Variants in PXYLP1 observed in about 807,000 individuals in gnomAD.
PXYLP1 encodes the protein 2-phosphoxylose phosphatase 1.
A neutral mutation model predicts 37.9 loss-of-function variants in PXYLP1; 17 were observed. The ratio of observed to expected loss-of-function variants is 0.45; its 90% CI spans 0.31 to 0.67. The LOEUF (loss-of-function observed/expected upper bound fraction) is 0.67. Ranked by LOEUF, PXYLP1 falls within the 30% of genes least tolerant of loss-of-function variation. The probability of loss-of-function intolerance (pLI) is 0.07; values close to 1 mark genes in which losing one functional copy is unlikely to be tolerated. For missense variants in PXYLP1, 511 were observed against 612.0 expected, an observed-to-expected ratio of 0.84 and a Z score of 1.74; for synonymous variants, 221 against 232.2, an observed-to-expected ratio of 0.95 and a Z score of 0.44.
At chr3:141,233,042 G>GTGTGAAGCTGGCAGTGCA (rs920584096) in intron 1 of PXYLP1, among the ~76,000 whole-genome samples, 28 of 38,084 alleles carry the variant, frequency 7.4e-4, no homozygotes, top group South Asian at 6.0e-3. Context: ...AGGCCCGTGG[G>GTGTGAAGCTGGCAGTGCA]TGTGAAGCTG....
chr3:141,259,913 A>C (rs1382727339), intron 1 of PXYLP1, among the ~76,000 whole-genome samples: 2 of 152,172 alleles, frequency 1.3e-5, no homozygotes, highest in Non-Finnish European at 2.9e-5. Flanking sequence ...TTTGCTTACT[A>C]ACTTGAAGGG....
chr3:141,243,604 C>G (rs569297236), intron 1 of PXYLP1, among the ~76,000 whole-genome samples: 26 of 152,382 alleles, frequency 1.7e-4, no homozygotes, highest in Non-Finnish European at 2.8e-4. Flanking sequence ...TCACGCAGCC[C>G]TCTCGCTGAT....
chr3:141,234,599 C>T (rs1940615716), intron 1 of PXYLP1, among the ~76,000 whole-genome samples: 1 of 152,136 alleles, frequency 6.6e-6, no homozygotes, highest in South Asian at 2.1e-4. Context: ...GCTTGCAGCT[C>T]TATTGGTGGG....
At chr3:141,234,727 A>G (rs536084315) in intron 1 of PXYLP1, among the ~76,000 whole-genome samples, 5 of 152,354 alleles carry the variant, frequency 3.3e-5, no homozygotes, top group African/African-American at 1.2e-4. Flanking sequence ...CAGGCAGTAC[A>G]GCCAAATGCT....
chr3:141,244,683 C>CT (rs1940894598), intron 1 of PXYLP1, among the ~76,000 whole-genome samples: 3 of 150,846 alleles, frequency 2.0e-5, no homozygotes, highest in African/African-American at 7.3e-5. Flanking sequence ...CCACTTCTTT[C>CT]TTTTTTTAAG....
At chr3:141,263,265 A>G (rs997732261) in intron 2 of PXYLP1, among the ~76,000 whole-genome samples, 5 of 152,242 alleles carry the variant, frequency 3.3e-5, no homozygotes, top group African/African-American at 1.2e-4. Context: ...AAGGAAATAC[A>G]GAAAAGATTA....
In PXYLP1 at chr3:141,292,647, A is replaced by G; in HGVS notation, c.885A>G (p.Ile295Met). The change falls in exon 6 of 6, where the codon ATA (isoleucine) becomes ATG (methionine). Residue 295 changes from isoleucine to methionine, a missense_variant. Transcript: ENST00000286353. This position sits in a 1 kb window ranked among gnomAD's most constrained non-coding sequence, Gnocchi z 4.3. ...PTKQLRAANP[I>M]DSMLCHFCHN... ...AGCAGCTTAGAGCTGCCAACCCCATAGACTCCATGCTCTGCCACTTCTGCC... is the reference window on the plus strand; with the variant it reads ...AGCAGCTTAGAGCTGCCAACCCCATGGACTCCATGCTCTGCCACTTCTGCC... 1 of 1,613,640 alleles carries G rather than the reference A, an allele frequency of 6.2e-7. No homozygotes were observed. Among genetic ancestry groups the G allele is most frequent in the Non-Finnish European group, 8.5e-7 (1 of 1,179,760 alleles).
In PXYLP1 at chr3:141,294,922, CA is replaced by C. The variant is rs1458640182; in HGVS notation, c.*1719del. 1 of 152,110 alleles carries C rather than the reference CA, an allele frequency of 6.6e-6. No individual in the cohort carries two copies. Among genetic ancestry groups the C allele is most frequent in the Middle Eastern group, 3.2e-3 (1 of 316 alleles). The allele number at this position is 152,110 out of a possible 1,614,324, so 9.4% of individuals were successfully genotyped here. A position where few individuals can be genotyped will look rare whatever the true frequency, so the allele number is the denominator to read the frequency against. On this transcript the variant is annotated 3_prime_UTR_variant, in exon 6 of 6. Coordinates refer to ENST00000286353, the MANE Select transcript of PXYLP1 (RefSeq NM_001037172.3). ...TGACTCGGAAGATTTTTTAAAAAAT[CA>C]ATTGATAGTATCTGTTGGTAAAAGT... is the stretch of plus-strand genomic sequence containing the variant.
chr3:141,274,489 A>G, intron 2 of PXYLP1: 1 of 1,521,550 alleles, frequency 6.6e-7, no homozygotes, highest in East Asian at 2.5e-5. Flanking sequence ...AGGCCCAGCT[A>G]GGTGTCTCCT....
intron 1 of PXYLP1, among the ~76,000 whole-genome samples, chr3:141,247,427 C>T (rs1230675269): frequency 6.6e-6 from 1 of 152,230 alleles, no homozygotes; most frequent in Non-Finnish European, 1.5e-5. Flanking sequence ...TAAAACAAGG[C>T]TTTCAGGTAT....
chr3:141,237,258 G>T (rs1385274320), intron 1 of PXYLP1, among the ~76,000 whole-genome samples: 1 of 152,172 alleles, frequency 6.6e-6, no homozygotes, highest in African/African-American at 2.4e-5. Flanking sequence ...AAAACTTTCT[G>T]CAAGTCAAAC....
intron 1 of PXYLP1, among the ~76,000 whole-genome samples, chr3:141,242,361 C>T (rs1251727207): frequency 6.6e-6 from 1 of 152,176 alleles, no homozygotes. Context: ...GTTCATGTCC[C>T]ATATAAGGCA....
chr3:141,232,427 A>G (rs1940542075), intron 1 of PXYLP1: 1 of 152,248 alleles, frequency 6.6e-6, no homozygotes, highest in Admixed American at 6.5e-5. Flanking sequence ...TGAGCCGGCT[A>G]GTCTCCAGGT....
chr3:141,260,268 G>A lies in PXYLP1; in HGVS notation c.79+14G>A, dbSNP rs753309753. The stretch of plus-strand genomic sequence containing the variant: ...GCCTGCAGTTCTGTGAGTAGAGCCG[G>A]GCCCCGCAGGTCGTGGGAGGGTAGG... On this transcript the variant is annotated intron_variant, in intron 2 of 5. Transcript: ENST00000286353. 2 of 1,611,378 alleles carry A rather than the reference G, an allele frequency of 1.2e-6. No homozygotes were observed. Among genetic ancestry groups the A allele is most frequent in the African/African-American group, 1.3e-5 (1 of 74,906 alleles).
intron 1 of PXYLP1, among the ~76,000 whole-genome samples, chr3:141,250,301 G>T (rs1321711261): frequency 6.6e-6 from 1 of 151,944 alleles, no homozygotes; most frequent in Non-Finnish European, 1.5e-5. Flanking sequence ...CTGAAAAGTT[G>T]TGGTACTGTC....
intron 1 of PXYLP1, chr3:141,235,419 C>T (rs1007616180): frequency 6.6e-6 from 1 of 152,098 alleles, no homozygotes; most frequent in East Asian, 1.9e-4. Flanking sequence ...TAGCCCCAGT[C>T]CCCTTTGACA....
Position 141,262,603 on chromosome 3 carries a change from C to T in PXYLP1, c.79+2349C>T, listed in dbSNP as rs1482702647. On this transcript the variant is annotated intron_variant, in intron 2 of 5. Transcript: ENST00000286353. ...TTAGGAAAGCCAATTTTCAGCCATA[C>T]TTTTTTAAGGAAAATTTTGCAGGGT... is the stretch of plus-strand genomic sequence containing the variant. 3.4e-6 allele frequency: 5 copies of T among 1,472,552 alleles called. No individual in the cohort carries two copies. The Admixed American group carries it at 7.7e-5, about 23-fold the overall frequency. 91.2% of individuals were successfully genotyped at this position (1,472,552 alleles called of 1,614,324 possible). A position where few individuals can be genotyped will look rare whatever the true frequency, so the allele number is the denominator to read the frequency against.
chr3:141,232,174 G>T (rs1255567087), intron 1 of PXYLP1, among the ~76,000 whole-genome samples: 1 of 151,578 alleles, frequency 6.6e-6, no homozygotes, highest in East Asian at 1.9e-4. Context: ...CCGTGCGCCC[G>T]GTGTCCCAGC....
In PXYLP1 at chr3:141,294,867, A is replaced by G. The variant is rs956169954; in HGVS notation, c.*1662A>G. 6.6e-5 allele frequency: 10 copies of G among 152,252 alleles called. No individual in the cohort carries two copies. The highest frequency in any genetic ancestry group is 2.4e-4 in the African/African-American group (10 of 41,468). 9.4% of individuals were successfully genotyped at this position (152,252 alleles called of 1,614,324 possible). A position where few individuals can be genotyped will look rare whatever the true frequency, so the allele number is the denominator to read the frequency against. ...ACAATATATCTGAATTAGAACTGCT[A>G]AACACAGCTTGAAGACTTAAAAATA... is the stretch of plus-strand genomic sequence containing the variant. On this transcript the variant is annotated 3_prime_UTR_variant, in exon 6 of 6. Transcript: ENST00000286353.
Sources: gnomAD v4.1 joint callset for allele counts (sites outside exome capture counted in the v4.1 genomes callset) on GRCh38, gnomAD v4.1.1 for gene constraint, Gnocchi (gnomAD v3.1) non-coding constraint, MANE v1.5 for transcripts, NCBI Gene and HGNC (gene_info 2026-07-23, HGNC 2026-07-21) for gene names.